The following PTPRM variants were observed in gnomAD, a reference collection of about 807,000 sequenced individuals.
PTPRM encodes receptor-type tyrosine-protein phosphatase mu.
PTPRM carries 47 observed loss-of-function variants against 186.7 expected under a neutral mutation model. The observed-to-expected ratio is 0.25, with a 90% CI of 0.20 to 0.32. The LOEUF is 0.32. Among genes scored for constraint, PTPRM ranks in the 10% least tolerant of loss-of-function variants. The pLI is 1.00. For missense variants in PTPRM, 1,494 were observed against 1,865.0 expected (o/e 0.80, Z 3.66); for synonymous variants, 668 against 674.9 (o/e 0.99, Z 0.16).
In PTPRM at chr18:7,906,374, A is replaced by C; in HGVS notation, c.469-131A>C. On this transcript the variant is annotated intron_variant, in intron 3 of 32. Transcript: ENST00000580170. Reference sequence around the variant, plus strand: ...TAGTCTAGAACCTGGAACATTGACTAGCAGATGTTACGTACATGAATGAAT... The same window carrying C: ...TAGTCTAGAACCTGGAACATTGACTCGCAGATGTTACGTACATGAATGAAT... 1.0e-5 allele frequency: 7 copies of C among 697,802 alleles called. No individual in the cohort carries two copies. The South Asian group carries it at 1.3e-4, about 13-fold the overall frequency. 43.2% of individuals were successfully genotyped at this position (697,802 alleles called of 1,614,324 possible).
chr18:8,196,997 T>C (rs975714104), intron 14 of PTPRM, among the ~76,000 whole-genome samples: 1 of 152,100 alleles, frequency 6.6e-6, no homozygotes, highest in African/African-American at 2.4e-5. Context: ...CAATTGGGAG[T>C]GTATTATGTA....
intron 1 of PTPRM, among the ~76,000 whole-genome samples, chr18:7,769,967 C>T (rs1428394670): frequency 6.6e-6 from 1 of 152,092 alleles, no homozygotes; most frequent in Non-Finnish European, 1.5e-5. Context: ...TTTCCTCCAT[C>T]TTGTATATGA....
intron 1 of PTPRM, among the ~76,000 whole-genome samples, chr18:7,693,603 G>A (rs1029465540): frequency 1.3e-5 from 2 of 152,124 alleles, no homozygotes; most frequent in Admixed American, 1.3e-4. Flanking sequence ...ATGCTGTGTG[G>A]CGTGTATACA....
intron 1 of PTPRM, among the ~76,000 whole-genome samples, chr18:7,719,149 T>G (rs533693754): frequency 6.6e-6 from 1 of 152,166 alleles, no homozygotes; most frequent in Non-Finnish European, 1.5e-5. Context: ...CCAATATAAA[T>G]GCCCATCAGC....
chr18:8,156,296 A>AT (rs890753616), intron 14 of PTPRM, among the ~76,000 whole-genome samples: 2 of 152,052 alleles, frequency 1.3e-5, no homozygotes, highest in African/African-American at 4.8e-5. Context: ...ATAGCTACCA[A>AT]TTTTTCATCT....
chr18:8,251,654 A>G (rs1009870215), intron 17 of PTPRM: 8 of 152,220 alleles, frequency 5.3e-5, no homozygotes, highest in Non-Finnish European at 2.9e-5. Context: ...CAACAGCAAC[A>G]TAGCTACACA....
intron 1 of PTPRM, among the ~76,000 whole-genome samples, chr18:7,765,367 T>C (rs2041971064): frequency 6.6e-6 from 1 of 152,208 alleles, no homozygotes; most frequent in East Asian, 1.9e-4. Context: ...AACTGCTTGC[T>C]AAATTAAATT....
intron 2 of PTPRM, among the ~76,000 whole-genome samples, chr18:7,789,995 C>T (rs1274255678): frequency 6.6e-6 from 1 of 152,150 alleles, no homozygotes; most frequent in African/African-American, 2.4e-5. Context: ...AGCCATGCCA[C>T]ACTTTAAAAT....
chr18:7,871,377 G>A (rs146985792), intron 2 of PTPRM, among the ~76,000 whole-genome samples: 60 of 152,266 alleles, frequency 3.9e-4, no homozygotes, highest in Admixed American at 1.1e-3. Flanking sequence ...TCCTAAACTT[G>A]CGTTAGCCAT....
At chr18:7,938,515 G>A (rs1033243328) in intron 5 of PTPRM, among the ~76,000 whole-genome samples, 9 of 152,248 alleles carry the variant, frequency 5.9e-5, no homozygotes, top group East Asian at 5.8e-4. Flanking sequence ...AAAAATGTTC[G>A]TCAGTGTTGG....
chr18:8,300,207 GA>G (rs2147910506), intron 20 of PTPRM, among the ~76,000 whole-genome samples: 1 of 152,252 alleles, frequency 6.6e-6, no homozygotes, highest in Non-Finnish European at 1.5e-5. Context: ...GGAGAAGGGT[GA>G]GTGGACGAGT....
intron 7 of PTPRM, among the ~76,000 whole-genome samples, chr18:8,013,810 G>A (rs2084687655): frequency 6.6e-6 from 1 of 152,168 alleles, no homozygotes; most frequent in South Asian, 2.1e-4. Context: ...AAGTTTTTCT[G>A]TAGCTTCAAA....
intron 1 of PTPRM, among the ~76,000 whole-genome samples, chr18:7,618,432 T>TC (rs2037858612): frequency 6.6e-6 from 1 of 152,204 alleles, no homozygotes; most frequent in African/African-American, 2.4e-5. Flanking sequence ...TTATCACAGT[T>TC]TGAAACTTCT....
intron 7 of PTPRM, among the ~76,000 whole-genome samples, chr18:7,975,985 A>C (rs888665321): frequency 2.6e-5 from 4 of 152,204 alleles, no homozygotes; most frequent in Admixed American, 6.5e-5. Flanking sequence ...CCTGACCAAC[A>C]TGGTGAAACC....
At chr18:8,202,371 C>T (rs1051238590) in intron 14 of PTPRM, among the ~76,000 whole-genome samples, 5 of 152,250 alleles carry the variant, frequency 3.3e-5, no homozygotes, top group South Asian at 4.2e-4. Context: ...AGAAGAGGGG[C>T]GTCTCTGCCA....
intron 3 of PTPRM, among the ~76,000 whole-genome samples, chr18:7,891,620 A>G (rs1475000418): frequency 6.6e-6 from 1 of 151,972 alleles, no homozygotes; most frequent in African/African-American, 2.4e-5. Flanking sequence ...TAGTCCTAGC[A>G]CTTTGGGAGG....
intron 2 of PTPRM, among the ~76,000 whole-genome samples, chr18:7,863,223 T>G (rs889077263): frequency 5.9e-5 from 9 of 152,172 alleles, no homozygotes; most frequent in African/African-American, 1.7e-4. Context: ...TTCATTATAC[T>G]TTAAGTTCTG....
chr18:8,277,974 A>T (rs1419036755), intron 19 of PTPRM, among the ~76,000 whole-genome samples: 4 of 152,386 alleles, frequency 2.6e-5, no homozygotes. Context: ...ATGGAAAAAC[A>T]TAAGCATATC....
At chr18:8,235,456 CTTTTTTTTTT>C (rs58166609) in intron 14 of PTPRM, among the ~76,000 whole-genome samples, 1 of 102,320 alleles carries the variant, frequency 9.8e-6, no homozygotes, top group African/African-American at 4.0e-5. Context: ...TCTGTGTCTT[CTTTTTTTTTT>C]TTTTTTTTTT....
Sources: gnomAD v4.1 joint callset for allele counts (sites outside exome capture counted in the v4.1 genomes callset) on GRCh38, gnomAD v4.1.1 for gene constraint, MANE v1.5 for transcripts, NCBI Gene and HGNC (gene_info 2026-07-23, HGNC 2026-07-21) for gene names.